TBC1D30: variants seen among roughly 807,000 people sequenced by gnomAD.
TBC1D30 encodes TBC1 domain family member 30.
In TBC1D30, 31 loss-of-function variants were observed where a neutral mutation model predicts 63.2. The ratio of observed to expected loss-of-function variants is 0.49; its 90% confidence interval spans 0.37 to 0.66. TBC1D30 has a LOEUF of 0.66. Ranked by LOEUF, TBC1D30 falls within the 30% of genes least tolerant of loss-of-function variation. The pLI, the probability that TBC1D30 is intolerant of heterozygous loss-of-function variation, is 0.00. For synonymous variants in TBC1D30, 307 were observed against 361.5 expected (o/e 0.85, Z 1.71); for missense variants, 810 against 953.6 (o/e 0.85, Z 1.98).
rs140891189 is a variant in TBC1D30 at position 64,811,846 on chromosome 12, C to G, written c.644-15989C>G. On this transcript the variant is annotated intron_variant, in intron 2 of 12. Transcript: ENST00000542120. The stretch of plus-strand genomic sequence containing the variant: ...GATGGACATTTTGTTCAGTTGGTAA[C>G]TTAAATGGGGGCTGTGAACAAGTCT... Among the ~76,000 whole-genome samples the G allele has an allele frequency of 2.2e-3, 336 of 152,294 alleles. 2 individuals carry two copies. The highest frequency in any genetic ancestry group is 7.7e-3 in the African/African-American group (318 of 41,568).
chr12:64,821,642 C>A (rs1039719383), upstream of TBC1D30, among the ~76,000 whole-genome samples: 9 of 152,136 alleles, frequency 5.9e-5, no homozygotes, highest in Non-Finnish European at 1.2e-4. Context: ...ATACTGTGCC[C>A]TCTAAAAAAC....
chr12:64,791,949 G>A (rs1456066), intron 2 of TBC1D30, among the ~76,000 whole-genome samples: 104,989 of 151,948 alleles, frequency 0.69, 37,735 homozygotes, highest in African/African-American at 0.9. Flanking sequence ...TGTATCTTCT[G>A]TTTCTTCTTG....
In TBC1D30 at chr12:64,874,107, G is replaced by T. The variant is rs554821039; in HGVS notation, c.1499-894G>T. Reference sequence around the variant, plus strand: ...CAAAGCTTTTTTGTTCGTTTGTTTTGAGAAGGAGTCTCACTGTATTGCCCA... The same window carrying T: ...CAAAGCTTTTTTGTTCGTTTGTTTTTAGAAGGAGTCTCACTGTATTGCCCA... On this transcript the variant is annotated intron_variant, in intron 11 of 11. Transcript: ENST00000539867. Among the ~76,000 whole-genome samples the T allele has an allele frequency of 1.5e-3, 225 of 152,258 alleles. 1 individual carries two copies. Among genetic ancestry groups the T allele is most frequent in the Non-Finnish European group, 1.8e-3 (124 of 68,024 alleles).
At position 64,842,659 on chromosome 12, in the gene TBC1D30, GT is replaced by G. The variant is rs1266252200; in HGVS notation, c.933-718del. ...ATTGTCATCTTTTATTCCTACTGTG[GT>G]TTGGTTTTAAATCTATTATATTAAT... is the stretch of plus-strand genomic sequence containing the variant. On this transcript the variant is annotated intron_variant, in intron 7 of 11. Transcript: ENST00000539867. 2.6e-5 allele frequency among the ~76,000 whole-genome samples: 4 copies of G among 152,272 alleles called. 1 individual carries two copies. In the East Asian group the frequency reaches 7.7e-4, roughly 29 times the overall value.
At chr12:64,823,559 T>C (rs1045878083), upstream of TBC1D30, among the ~76,000 whole-genome samples, 1 of 152,212 alleles carries the variant, frequency 6.6e-6, no homozygotes, top group African/African-American at 2.4e-5. Context: ...ACTCCTAGTT[T>C]CAAGACATCC....
At chr12:64,781,176 G>T in exon 1 of TBC1D30, 1 of 1,049,878 alleles carries the variant, frequency 9.5e-7, no homozygotes, top group Non-Finnish European at 1.2e-6. Flanking sequence ...GAGGCCTCGG[G>T]CTCCGACGTG....
chr12:64,870,767 A>C lies in TBC1D30; in HGVS notation c.1457A>C (p.Lys486Thr), dbSNP rs1351814798. The change falls in exon 11 of 12, where the codon AAG becomes ACG. Residue 486 changes from lysine (K) to threonine (T), a missense_variant. Physicochemically the swap from Lys to Thr is moderately conservative, Grantham distance 78. Coordinates refer to ENST00000539867, the MANE Select transcript of TBC1D30 (RefSeq NM_015279.2). ...ALKRQYSRIK[K>T]KQQQQVHQVY... ...AAGCGGCAGTACTCTCGAATTAAAA[A>C]GAAGCAACAGCAGCAGGTTCATCAG... 1 of 1,536,118 alleles carries C rather than the reference A, an allele frequency of 6.5e-7. No homozygotes were observed. The highest frequency in any genetic ancestry group is 2.4e-5 in the East Asian group (1 of 40,916).
chr12:64,776,864 A>AAAC (rs1054878454), upstream of TBC1D30, among the ~76,000 whole-genome samples: 5 of 152,174 alleles, frequency 3.3e-5, no homozygotes, highest in African/African-American at 1.2e-4. Flanking sequence ...CCTCAACAAA[A>AAAC]TACTGGCAAA....
chr12:64,866,260 G>A (rs565102194), intron 9 of TBC1D30, among the ~76,000 whole-genome samples: 66 of 152,226 alleles, frequency 4.3e-4, no homozygotes, highest in Non-Finnish European at 9.1e-4. Flanking sequence ...ATAAAAGCAT[G>A]TAGTCATATT....
chr12:64,843,975 G>A (rs980273367), intron 8 of TBC1D30, among the ~76,000 whole-genome samples: 4 of 151,942 alleles, frequency 2.6e-5, no homozygotes, highest in African/African-American at 9.7e-5. Context: ...TTTTATTTTT[G>A]TATAGATGGA....
Position 64,875,718 on chromosome 12 carries a change from T to C in TBC1D30, c.2216T>C (p.Val739Ala). The change falls in exon 12 of 12, where the codon GTG (valine) becomes GCG (alanine). Residue 739 changes from valine to alanine, a missense_variant. By Grantham distance (64) the Val-to-Ala change is moderately conservative. This residue lies in a region of TBC1D30 where 450 missense variants were observed against 473.0 expected (regional missense o/e 0.95). Transcript: ENST00000539867. ...LYGPTERTPTVHFPQMSRSFS... is the reference protein window; with the variant it reads ...LYGPTERTPTAHFPQMSRSFS... ...GGCCCTACAGAAAGAACCCCAACTG[T>C]GCACTTTCCTCAAATGAGTAGGAGC... is the stretch of plus-strand genomic sequence containing the variant. 1 of 1,536,496 alleles carries C rather than the reference T, an allele frequency of 6.5e-7. No individual in the cohort carries two copies. Among genetic ancestry groups the C allele is most frequent in the East Asian group, 2.4e-5 (1 of 40,918 alleles).
intron 6 of TBC1D30, 63 bp downstream of exon 6, chr12:64,836,721 G>C (rs973842377): frequency 2.9e-6 from 4 of 1,372,672 alleles, no homozygotes; most frequent in African/African-American, 1.4e-5. Context: ...CTGTACAAAT[G>C]AGCCTAAACA....
At chr12:64,775,030 T>A (rs1871025409) in intron 1 of TBC1D30, among the ~76,000 whole-genome samples, 1 of 151,612 alleles carries the variant, frequency 6.6e-6, no homozygotes, top group South Asian at 2.1e-4. Flanking sequence ...GAGGCAGAGG[T>A]TGCAGTGAGC....
At chr12:64,839,567 A>T (rs1441057791) in intron 7 of TBC1D30, among the ~76,000 whole-genome samples, 1 of 152,234 alleles carries the variant, frequency 6.6e-6, no homozygotes, top group East Asian at 1.9e-4. Context: ...ATAAATGACG[A>T]GTGGGTTCCC....
At position 64,843,377 on chromosome 12, in the gene TBC1D30, T is replaced by C. The variant is rs893264252; in HGVS notation, c.933-3T>C. ...TTGTATTTTCTGTCCTTTCTTTATC[T>C]AGGCAGATAGAATGTTGTGAAACAG... On this transcript the variant is annotated splice_polypyrimidine_tract_variant and splice_region_variant and intron_variant, in intron 7 of 11. Transcript: ENST00000539867. 7 of 1,536,012 alleles carry C rather than the reference T, an allele frequency of 4.6e-6. No individual in the cohort carries two copies. The African/African-American group carries it at 9.6e-5, about 21-fold the overall frequency.
chr12:64,784,768 G>C (rs894684304), intron 1 of TBC1D30, among the ~76,000 whole-genome samples: 1 of 152,022 alleles, frequency 6.6e-6, no homozygotes, highest in Non-Finnish European at 1.5e-5. Context: ...TTAAAACCTA[G>C]GTGATGGGTT....
chr12:64,833,183 G>A (rs1304605560), intron 5 of TBC1D30, among the ~76,000 whole-genome samples: 1 of 152,220 alleles, frequency 6.6e-6, no homozygotes, highest in African/African-American at 2.4e-5. Context: ...TGGGCTGAGA[G>A]TGAGTGTCTA....
intron 2 of TBC1D30, among the ~76,000 whole-genome samples, chr12:64,802,478 T>TTTTG (rs1470066931): frequency 1.3e-5 from 2 of 152,008 alleles, no homozygotes; most frequent in African/African-American, 2.4e-5. Context: ...TCCCCACCAA[T>TTTTG]TTTGTTTCTT....
At chr12:64,842,984 A>C (rs952828219) in intron 7 of TBC1D30, among the ~76,000 whole-genome samples, 2 of 152,074 alleles carry the variant, frequency 1.3e-5, no homozygotes, top group Non-Finnish European at 2.9e-5. Context: ...TGATAACCTG[A>C]GTTATTTGAT....
Sources: gnomAD v4.1 joint callset for allele counts (sites outside exome capture counted in the v4.1 genomes callset) on GRCh38, gnomAD v4.1.1 for gene constraint, gnomAD v4.1.1 regional missense constraint, MANE v1.5 for transcripts, NCBI Gene and HGNC (gene_info 2026-07-23, HGNC 2026-07-21) for gene names.